The following GRIK2 variants were observed in gnomAD, a reference collection of about 807,000 sequenced individuals.
GRIK2 encodes glutamate ionotropic receptor kainate type subunit 2.
A neutral mutation model predicts 100.3 loss-of-function variants in GRIK2; 32 were observed. That is an observed-to-expected ratio of 0.32 (90% CI 0.24 to 0.43). The LOEUF is 0.43. GRIK2 is among the 20% of genes least tolerant of loss of function. The pLI is 1.00. For missense variants in GRIK2, 843 were observed against 1,114.9 expected (o/e 0.76, Z 3.47); for synonymous variants, 417 against 389.4 (o/e 1.07, Z -0.83).
chr6:101,802,300 A>T, intron 8 of GRIK2, 31 bp from the exon 9 acceptor site: 1 of 878,696 alleles, frequency 1.1e-6, no homozygotes, highest in Non-Finnish European at 1.8e-6. Flanking sequence ...TTCTTCACTT[A>T]TTTATTATCA....
At chr6:101,784,589 C>T (rs1436752712) in intron 7 of GRIK2, among the ~76,000 whole-genome samples, 2 of 152,040 alleles carry the variant, frequency 1.3e-5, no homozygotes, top group East Asian at 3.9e-4. Flanking sequence ...GTGTTCCCAC[C>T]CAAATCTCAT....
Position 101,565,935 on chromosome 6 carries a change from G to GTATATATA in GRIK2, c.116-55997_116-55990dup, listed in dbSNP as rs60158757. ...CTATTTTATATATATATATATATGT[G>GTATATATA]TATATATATATATATATATATATAA... On this transcript the variant is annotated intron_variant, in intron 2 of 16. Transcript: ENST00000369134. 1.3e-3 allele frequency among the ~76,000 whole-genome samples: 146 copies of GTATATATA among 109,502 alleles called. 2 individuals carry two copies. Among genetic ancestry groups the GTATATATA allele is most frequent in the Non-Finnish European group, 1.7e-3 (92 of 54,612 alleles). 71.8% of individuals were successfully genotyped at this position (109,502 alleles called of 152,430 possible). A position where few individuals can be genotyped will look rare whatever the true frequency, so the allele number is the denominator to read the frequency against.
chr6:101,675,470 A>G (rs1770766335), intron 4 of GRIK2, among the ~76,000 whole-genome samples: 1 of 152,180 alleles, frequency 6.6e-6, no homozygotes, highest in Non-Finnish European at 1.5e-5. Context: ...TGAGATTTTT[A>G]AAAGATAAGA....
chr6:101,737,309 G>T (rs1397147261), intron 7 of GRIK2, among the ~76,000 whole-genome samples: 1 of 152,098 alleles, frequency 6.6e-6, no homozygotes, highest in Admixed American at 6.6e-5. Flanking sequence ...TACAGTATTA[G>T]TTTGTTTTCA....
intron 14 of GRIK2, among the ~76,000 whole-genome samples, chr6:101,998,454 G>A (rs543139452): frequency 1.2e-3 from 175 of 151,984 alleles, no homozygotes; most frequent in African/African-American, 4.0e-3. Context: ...CTGGAATAGC[G>A]GAATCACTCA....
chr6:101,609,190 G>A (rs772015140), intron 2 of GRIK2, among the ~76,000 whole-genome samples: 10 of 151,690 alleles, frequency 6.6e-5, no homozygotes, highest in Non-Finnish European at 1.5e-4. Flanking sequence ...TGAGTTAGAT[G>A]TTTAGAAAAG....
chr6:101,531,355 A>G (rs1411095818), intron 2 of GRIK2, among the ~76,000 whole-genome samples: 2 of 152,004 alleles, frequency 1.3e-5, no homozygotes, highest in Non-Finnish European at 2.9e-5. Flanking sequence ...AGGCATACAT[A>G]TATATGGCTA....
intron 7 of GRIK2, among the ~76,000 whole-genome samples, chr6:101,760,672 TTA>T (rs1162885063): frequency 8.4e-6 from 1 of 118,810 alleles, no homozygotes; most frequent in African/African-American, 3.1e-5. Context: ...TTATATATAA[TTA>T]TATATTTAAT....
intron 2 of GRIK2, among the ~76,000 whole-genome samples, chr6:101,612,452 T>G (rs558490452): frequency 1.1e-4 from 16 of 151,892 alleles, no homozygotes; most frequent in Non-Finnish European, 2.4e-4. Context: ...TAGCGTATGA[T>G]GTCAATAAAT....
At chr6:101,998,812 C>CTTTTTTTTTTTTTTTTTTT (rs755522043) in intron 14 of GRIK2, among the ~76,000 whole-genome samples, 5 of 110,062 alleles carry the variant, frequency 4.5e-5, no homozygotes, top group East Asian at 2.7e-4. Context: ...TTTTTCTTTT[C>CTTTTTTTTTTTTTTTTTTT]TTTTTTTTTT....
chr6:101,518,293 A>G (rs1307092208), intron 2 of GRIK2, among the ~76,000 whole-genome samples: 1 of 152,176 alleles, frequency 6.6e-6, no homozygotes, highest in Non-Finnish European at 1.5e-5. Flanking sequence ...TGATAAAAGC[A>G]AAAAGTACTT....
At chr6:101,904,119 A>G (rs1788063536) in intron 12 of GRIK2, among the ~76,000 whole-genome samples, 1 of 151,070 alleles carries the variant, frequency 6.6e-6, no homozygotes, top group Non-Finnish European at 1.5e-5. Context: ...TCTATTAGTT[A>G]ACTTTCTGAA....
intron 2 of GRIK2, among the ~76,000 whole-genome samples, chr6:101,514,430 A>C (rs972986229): frequency 3.3e-5 from 5 of 152,056 alleles, no homozygotes; most frequent in African/African-American, 1.2e-4. Flanking sequence ...GGAGACAGGG[A>C]AGGGAGAGGG....
intron 14 of GRIK2, among the ~76,000 whole-genome samples, chr6:101,988,539 T>C (rs1466574862): frequency 6.6e-6 from 1 of 151,808 alleles, no homozygotes; most frequent in Non-Finnish European, 1.5e-5. Context: ...TGTTTGACCT[T>C]GGACAAGCTA....
intron 2 of GRIK2, among the ~76,000 whole-genome samples, chr6:101,560,361 A>G (rs1218067963): frequency 1.3e-5 from 2 of 152,128 alleles, no homozygotes; most frequent in African/African-American, 4.8e-5. Flanking sequence ...TTTTATTTGT[A>G]GTAAAAATAT....
intron 4 of GRIK2, among the ~76,000 whole-genome samples, chr6:101,643,631 C>T (rs1214593382): frequency 1.3e-5 from 2 of 151,580 alleles, no homozygotes; most frequent in African/African-American, 4.8e-5. Flanking sequence ...TTTTAACTAG[C>T]TTTGTAATAA....
chr6:101,674,970 A>T (rs147025763), intron 4 of GRIK2, among the ~76,000 whole-genome samples: 305 of 152,278 alleles, frequency 2.0e-3, no homozygotes, highest in Middle Eastern at 3.4e-3. Context: ...TGTACTGATG[A>T]CATTAGAGTA....
At position 101,448,267 on chromosome 6, in the gene GRIK2, T is replaced by C. The variant is rs541994699; in HGVS notation, c.115+48875T>C. On this transcript the variant is annotated intron_variant, in intron 2 of 16. Transcript: ENST00000369134. The stretch of plus-strand genomic sequence containing the variant: ...GTTAGGATATTTGTCAAATATACTT[T>C]TGATTTCAAACATTAAACTGTCCAT... Among the ~76,000 whole-genome samples the C allele has an allele frequency of 6.2e-4, 94 of 151,840 alleles. 1 individual carries two copies. The highest frequency in any genetic ancestry group is 9.0e-4 in the Non-Finnish European group (61 of 67,706).
At chr6:101,544,157 A>C (rs1776130511) in intron 2 of GRIK2, among the ~76,000 whole-genome samples, 1 of 152,000 alleles carries the variant, frequency 6.6e-6, no homozygotes, top group Non-Finnish European at 1.5e-5. Flanking sequence ...TCTCCTTTTT[A>C]TATCCCCTCC....
Sources: gnomAD v4.1 joint callset for allele counts (sites outside exome capture counted in the v4.1 genomes callset) on GRCh38, gnomAD v4.1.1 for gene constraint, MANE v1.5 for transcripts, NCBI Gene and HGNC (gene_info 2026-07-23, HGNC 2026-07-21) for gene names.